Variants in LRRTM4 observed in about 807,000 individuals in gnomAD.
LRRTM4 encodes leucine-rich repeat transmembrane neuronal protein 4.
Under a neutral mutation model 47.6 loss-of-function variants are expected in LRRTM4, and 25 were observed. The ratio of observed to expected loss-of-function variants is 0.53; its 90% CI spans 0.38 to 0.73. The LOEUF (loss-of-function observed/expected upper bound fraction) is 0.73. Among genes scored for constraint, LRRTM4 ranks in the 30% least tolerant of loss-of-function variants. The pLI, the probability that LRRTM4 is intolerant of heterozygous loss-of-function variation, is 0.00. For missense variants in LRRTM4, 638 were observed against 713.4 expected (o/e 0.89, Z 1.20); for synonymous variants, 311 against 269.5 (o/e 1.15, Z -1.51).
chr2:77,308,756 T>C (rs1677361128), intron 3 of LRRTM4, among the ~76,000 whole-genome samples: 1 of 152,112 alleles, frequency 6.6e-6, no homozygotes, highest in Admixed American at 6.6e-5. Context: ...TTGTTTTGTT[T>C]TCTTTTTTGT....
chr2:77,096,513 CAAT>C (rs994404286), intron 3 of LRRTM4, among the ~76,000 whole-genome samples: 5 of 150,550 alleles, frequency 3.3e-5, no homozygotes, highest in East Asian at 2.0e-4. Flanking sequence ...AAGTACAAAA[CAAT>C]AATAAAATGT....
chr2:76,942,491 ATTT>A (rs59455803), intron 3 of LRRTM4, among the ~76,000 whole-genome samples: 58 of 142,630 alleles, frequency 4.1e-4, no homozygotes, highest in East Asian at 1.6e-3. Context: ...CTGTGCTAAC[ATTT>A]TTTTTTTTTT....
At chr2:77,003,042 A>T (rs1483997099) in intron 3 of LRRTM4, among the ~76,000 whole-genome samples, 1 of 152,144 alleles carries the variant, frequency 6.6e-6, no homozygotes, top group Non-Finnish European at 1.5e-5. Context: ...ATATAGCCAT[A>T]TAGTGGGTAC....
At chr2:77,385,833 C>T (rs189407323) in intron 3 of LRRTM4, among the ~76,000 whole-genome samples, 79 of 149,900 alleles carry the variant, frequency 5.3e-4, no homozygotes, top group Admixed American at 1.9e-3. Flanking sequence ...GTGTAACCTC[C>T]GCATCCTGGT....
At chr2:77,190,705 T>C (rs58138962) in intron 3 of LRRTM4, among the ~76,000 whole-genome samples, 8,048 of 152,260 alleles carry the variant, frequency 0.053, 701 homozygotes, top group African/African-American at 0.18. Context: ...TGTCATGTGA[T>C]AGTGTACTAA....
rs957605920 is a variant in LRRTM4 at position 77,310,991 on chromosome 2, C to CAT, written c.1551+207325_1551+207326dup. Among the ~76,000 whole-genome samples the CAT allele has an allele frequency of 5.0e-3, 763 of 151,344 alleles. 3 individuals are homozygous for CAT. Among genetic ancestry groups the CAT allele is most frequent in the African/African-American group, 0.015 (629 of 41,148 alleles). On this transcript the variant is annotated intron_variant, in intron 3 of 3. Coordinates refer to ENST00000409884, the MANE Select transcript of LRRTM4 (RefSeq NM_001134745.3). ...TGTGTGTCTGAGATATATTTACACA[C>CAT]ATATATATATAGAGAGAGAATATTA...
chr2:76,874,623 G>A (rs1304369361), intron 3 of LRRTM4, among the ~76,000 whole-genome samples: 1 of 151,564 alleles, frequency 6.6e-6, no homozygotes, highest in African/African-American at 2.4e-5. Flanking sequence ...TTTTTTTTTA[G>A]GCATTGATCA....
chr2:76,931,131 GA>G (rs940612546), intron 3 of LRRTM4, among the ~76,000 whole-genome samples: 3 of 151,574 alleles, frequency 2.0e-5, no homozygotes, highest in Non-Finnish European at 4.4e-5. Flanking sequence ...AAGAAAGAAA[GA>G]AAAAAATAAC....
chr2:77,295,416 C>G (rs1676941243), intron 3 of LRRTM4, among the ~76,000 whole-genome samples: 1 of 152,236 alleles, frequency 6.6e-6, no homozygotes, highest in South Asian at 2.1e-4. Flanking sequence ...GTTAGGAGCT[C>G]TTACGTTTGT....
chr2:77,394,712 T>C (rs1480452477), intron 3 of LRRTM4, among the ~76,000 whole-genome samples: 1 of 151,954 alleles, frequency 6.6e-6, no homozygotes, highest in Non-Finnish European at 1.5e-5. Flanking sequence ...GTACAACTCA[T>C]ATTCACTTTG....
rs576201004 is a variant in LRRTM4 at position 76,775,122 on chromosome 2, A to G, written c.1552-26206T>C. 9.9e-5 allele frequency among the ~76,000 whole-genome samples: 15 copies of G among 152,248 alleles called. No individual in the cohort carries two copies. The South Asian group carries it at 3.1e-3, about 32-fold the overall frequency. ...CTTCATGATTTCTTTGATTGGCTCT[A>G]TCATAAATCTTATGAATTCATTCAC... On this transcript the variant is annotated intron_variant, in intron 3 of 3. Transcript: ENST00000409884.
chr2:77,285,028 C>A (rs2104110014), intron 3 of LRRTM4, among the ~76,000 whole-genome samples: 1 of 152,082 alleles, frequency 6.6e-6, no homozygotes, highest in Admixed American at 6.6e-5. Flanking sequence ...CTTAATGCTA[C>A]TATAGAGCCT....
intron 3 of LRRTM4, among the ~76,000 whole-genome samples, chr2:77,413,867 C>A (rs955226643): frequency 1.4e-5 from 2 of 144,672 alleles, no homozygotes; most frequent in South Asian, 2.3e-4. Context: ...CACACACACA[C>A]AAAACCCCAT....
intron 3 of LRRTM4, among the ~76,000 whole-genome samples, chr2:77,461,134 A>G (rs71420999): frequency 4.5e-5 from 5 of 110,764 alleles, no homozygotes; most frequent in Non-Finnish European, 9.6e-5. Flanking sequence ...ATTTACATAC[A>G]CAGTGAGAGA....
intron 3 of LRRTM4, among the ~76,000 whole-genome samples, chr2:76,781,835 T>G (rs1323060631): frequency 1.3e-5 from 2 of 152,232 alleles, no homozygotes; most frequent in African/African-American, 4.8e-5. Flanking sequence ...TTTATCTGCA[T>G]TAAAAATCTA....
intron 3 of LRRTM4, among the ~76,000 whole-genome samples, chr2:77,070,172 T>C (rs1462043517): frequency 6.6e-6 from 1 of 152,104 alleles, no homozygotes; most frequent in Non-Finnish European, 1.5e-5. Context: ...AATCAGGGAA[T>C]GGGACTATGA....
chr2:77,195,076 C>T (rs1056095525), intron 3 of LRRTM4, among the ~76,000 whole-genome samples: 3 of 151,884 alleles, frequency 2.0e-5, no homozygotes, highest in African/African-American at 7.2e-5. Flanking sequence ...AATTTTAAAA[C>T]AGAGGATTTA....
At chr2:77,321,610 C>T (rs936115646) in intron 3 of LRRTM4, among the ~76,000 whole-genome samples, 16 of 130,062 alleles carry the variant, frequency 1.2e-4, no homozygotes, top group East Asian at 2.4e-4. Flanking sequence ...AAATGAATTG[C>T]CATGACTTAA....
intron 3 of LRRTM4, among the ~76,000 whole-genome samples, chr2:77,255,490 A>G (rs1675740709): frequency 6.6e-6 from 1 of 152,068 alleles, no homozygotes; most frequent in Admixed American, 6.6e-5. Context: ...ATGTTGACAG[A>G]ACATGTATCA....
Sources: gnomAD v4.1 joint callset for allele counts (sites outside exome capture counted in the v4.1 genomes callset) on GRCh38, gnomAD v4.1.1 for gene constraint, MANE v1.5 for transcripts, NCBI Gene and HGNC (gene_info 2026-07-23, HGNC 2026-07-21) for gene names.